The following PIK3CB variants were observed in gnomAD, a reference collection of about 807,000 sequenced individuals.
The protein encoded by PIK3CB is phosphatidylinositol-4,5-bisphosphate 3-kinase catalytic subunit beta.
A neutral mutation model predicts 136.8 loss-of-function variants in PIK3CB; 39 were observed. The observed-to-expected ratio is 0.29, with a 90% confidence interval of 0.22 to 0.37. The LOEUF (loss-of-function observed/expected upper bound fraction) is 0.37, where lower values mean the gene tolerates loss of function less well. Ranked by LOEUF, PIK3CB falls within the 10% of genes least tolerant of loss-of-function variation. The pLI, the probability that PIK3CB is intolerant of heterozygous loss-of-function variation, is 1.00. For synonymous variants in PIK3CB, 428 were observed against 436.6 expected (o/e 0.98, Z 0.25); for missense variants, 868 against 1,275.4 (o/e 0.68, Z 4.87).
chr3:138,681,008 ACTT>A (rs1559809849), intron 19 of PIK3CB, among the ~76,000 whole-genome samples: 1 of 142,272 alleles, frequency 7.0e-6, no homozygotes. Flanking sequence ...TATAATCTGT[ACTT>A]CTTAATTGGA....
chr3:138,693,968 A>T (rs1014029990), intron 14 of PIK3CB, among the ~76,000 whole-genome samples: 3,497 of 58,264 alleles, frequency 0.06, 79 homozygotes, highest in Non-Finnish European at 0.072. Flanking sequence ...TATATATATT[A>T]TATATATATA....
intron 11 of PIK3CB, among the ~76,000 whole-genome samples, chr3:138,706,611 TTTC>T (rs2044382758): frequency 6.6e-6 from 1 of 152,254 alleles, no homozygotes. Context: ...ACAATTATGA[TTTC>T]TTCATTTTAT....
chr3:138,748,819 G>A (rs1039311017), intron 4 of PIK3CB, among the ~76,000 whole-genome samples: 1 of 152,128 alleles, frequency 6.6e-6, no homozygotes, highest in African/African-American at 2.4e-5. Context: ...GTATTTTGTA[G>A]TATTAGGGAG....
chr3:138,760,550 C>T (rs558817543), intron 2 of PIK3CB, among the ~76,000 whole-genome samples: 1 of 152,216 alleles, frequency 6.6e-6, no homozygotes, highest in South Asian at 2.1e-4. Context: ...AGAACATGAG[C>T]GCTAAAGTTA....
intron 18 of PIK3CB, among the ~76,000 whole-genome samples, chr3:138,682,485 G>A (rs189062702): frequency 1.3e-5 from 2 of 152,292 alleles, no homozygotes; most frequent in East Asian, 1.9e-4. Context: ...ATTGTATGCT[G>A]TAATACTGTT....
Position 138,655,506 on chromosome 3 carries a change from C to T in PIK3CB, c.3096G>A (p.Lys1032=), listed in dbSNP as rs2043175464. ...ACTGTTTGAGTGCTTCTTCTTCACT[C>T]TTCCCTAATGCAAGAGAGTCCTAAA... ...QYLKDSLALG[K]SEEEALKQFK... The change falls in exon 24 of 24, where the codon AAG becomes AAA. Residue 1032 remains lysine, a synonymous_variant. Transcript: ENST00000674063. The T allele has an allele frequency of 6.2e-7, 1 of 1,611,990 alleles. No homozygotes were observed. The highest frequency in any genetic ancestry group is 1.1e-5 in the South Asian group (1 of 91,054).
intron 15 of PIK3CB, among the ~76,000 whole-genome samples, chr3:138,689,464 TG>T (rs1486141925): frequency 6.6e-6 from 1 of 152,160 alleles, no homozygotes; most frequent in Non-Finnish European, 1.5e-5. Context: ...TGGCTAATTT[TG>T]CATTTTTAGT....
At chr3:138,705,196 A>AAAAAAAAAAAAAAAAAAAAT (rs1361621380) in intron 11 of PIK3CB, among the ~76,000 whole-genome samples, 1 of 141,644 alleles carries the variant, frequency 7.1e-6, no homozygotes, top group Non-Finnish European at 1.5e-5. Flanking sequence ...CAAACAAAAA[A>AAAAAAAAAAAAAAAAAAAAT]AAAAACTTAT....
At chr3:138,728,558 A>G (rs916716423) in intron 8 of PIK3CB, among the ~76,000 whole-genome samples, 1 of 152,030 alleles carries the variant, frequency 6.6e-6, no homozygotes, top group African/African-American at 2.4e-5. Flanking sequence ...CGGGTGGATC[A>G]TGAGGTCAGG....
chr3:138,830,962 C>T (rs1240823871), intron 1 of PIK3CB, among the ~76,000 whole-genome samples: 5 of 146,870 alleles, frequency 3.4e-5, no homozygotes, highest in African/African-American at 7.4e-5. Flanking sequence ...AAAGCAGGAA[C>T]TCACTTTCCT....
At position 138,833,849 on chromosome 3, in the gene PIK3CB, G is replaced by T. The variant is rs553240309; in HGVS notation, c.-122+846C>A. On this transcript the variant is annotated intron_variant, in intron 1 of 23. Coordinates refer to ENST00000674063, the MANE Select transcript of PIK3CB (RefSeq NM_006219.3). Reference sequence around the variant, plus strand: ...CCTAAGCGAATCCCGAATTTGCTCGGTTTCATTTCAGCAGTAATTCCCACT... The same window carrying T: ...CCTAAGCGAATCCCGAATTTGCTCGTTTTCATTTCAGCAGTAATTCCCACT... Among the ~76,000 whole-genome samples, 7 of 152,240 alleles carry T rather than the reference G, an allele frequency of 4.6e-5. No individual in the cohort carries two copies. The South Asian group carries it at 1.5e-3, about 32-fold the overall frequency.
chr3:138,785,147 G>T (rs1175530874), intron 2 of PIK3CB, among the ~76,000 whole-genome samples: 13 of 151,642 alleles, frequency 8.6e-5, no homozygotes, highest in Non-Finnish European at 1.5e-4. Context: ...AGGGAGATGG[G>T]GGGCAGCCCC....
chr3:138,701,386 T>C (rs984842320), intron 12 of PIK3CB, among the ~76,000 whole-genome samples: 3 of 151,964 alleles, frequency 2.0e-5, no homozygotes, highest in Non-Finnish European at 4.4e-5. Context: ...AATCTGTAGA[T>C]TATATAGAAC....
At chr3:138,827,535 T>C (rs1933835743) in intron 1 of PIK3CB, among the ~76,000 whole-genome samples, 1 of 151,730 alleles carries the variant, frequency 6.6e-6, no homozygotes, top group African/African-American at 2.4e-5. Flanking sequence ...CAGGCAGGCA[T>C]GATGGTATAT....
In PIK3CB at chr3:138,669,574, A is replaced by T. The variant is rs370163955; in HGVS notation, c.2505-4371T>A. On this transcript the variant is annotated intron_variant, in intron 19 of 23. Transcript: ENST00000674063. ...GACTGGCAAATCTACCCACGGCCAGATAGGTTTATATGTAGCCAGCCTATA... is the reference window on the plus strand; with the variant it reads ...GACTGGCAAATCTACCCACGGCCAGTTAGGTTTATATGTAGCCAGCCTATA... Among the ~76,000 whole-genome samples the T allele has an allele frequency of 3.5e-4, 54 of 152,260 alleles. 2 individuals carry two copies. In the East Asian group the frequency reaches 6.2e-3, roughly 17 times the overall value.
At chr3:138,668,029 T>C (rs1000372673) in intron 19 of PIK3CB, among the ~76,000 whole-genome samples, 2 of 151,674 alleles carry the variant, frequency 1.3e-5, no homozygotes, top group East Asian at 2.0e-4. Context: ...GATTGCACCA[T>C]TGCACTCCAG....
chr3:138,691,133 G>C lies in PIK3CB; in HGVS notation c.1903C>G (p.Leu635Val), dbSNP rs2043998702. The C allele has an allele frequency of 6.2e-7, 1 of 1,612,094 alleles. No homozygotes were observed. Among genetic ancestry groups the C allele is most frequent in the African/African-American group, 1.3e-5 (1 of 74,814 alleles). Reference sequence around the variant, plus strand: ...ACCAGTTGTAAAAGATATTGAGAAAGTTCTTCATCACTGAAAGAAACAAAA... The same window carrying C: ...ACCAGTTGTAAAAGATATTGAGAAACTTCTTCATCACTGAAAGAAACAAAA... ...GCLRQMSDEE[L>V]SQYLLQLVQV... The change falls in exon 15 of 24, where the codon CTT becomes GTT. Residue 635 changes from leucine (L) to valine (V), a missense_variant. This residue lies in a region of PIK3CB where 612 missense variants were observed against 801.1 expected (regional missense o/e 0.76). Transcript: ENST00000674063.
intron 2 of PIK3CB, among the ~76,000 whole-genome samples, chr3:138,792,163 C>G (rs375963707): frequency 6.6e-6 from 1 of 151,856 alleles, no homozygotes; most frequent in Non-Finnish European, 1.5e-5. Flanking sequence ...CCATTGCACT[C>G]CAGCCTGGGC....
At chr3:138,663,197 T>C (rs2043334321) in intron 21 of PIK3CB, among the ~76,000 whole-genome samples, 1 of 151,946 alleles carries the variant, frequency 6.6e-6, no homozygotes, top group Non-Finnish European at 1.5e-5. Flanking sequence ...TACAATGAAC[T>C]CAAACAAATT....
Sources: allele counts gnomAD v4.1 joint callset (sites outside exome capture counted in the v4.1 genomes callset), GRCh38; gene constraint gnomAD v4.1.1; regional missense constraint gnomAD v4.1.1; transcripts MANE v1.5; gene names NCBI Gene and HGNC (gene_info 2026-07-23, HGNC 2026-07-21).